Variants in KLHL6 observed in about 807,000 individuals in gnomAD.
KLHL6 encodes kelch like family member 6, also known as kelch-like protein 6.
In KLHL6, 41 loss-of-function variants were observed where a neutral mutation model predicts 58.6. That is an observed-to-expected ratio of 0.70 (90% CI 0.55 to 0.91). The LOEUF is 0.91. KLHL6 is among the 40% of genes least tolerant of loss of function. KLHL6 has a pLI of 0.00. For synonymous variants in KLHL6, 338 were observed against 322.7 expected (o/e 1.05, Z -0.51); for missense variants, 714 against 805.6 (o/e 0.89, Z 1.38).
At position 183,490,501 on chromosome 3, in the gene KLHL6, C is replaced by T. The variant is rs929080195; in HGVS notation, c.*1426G>A. ...ACAGTTCCGGTCCAAAATGGGCCAT[C>T]TTATGATCATTTAAAAAAAAAAAGA... On this transcript the variant is annotated 3_prime_UTR_variant, in exon 7 of 7. Coordinates refer to ENST00000341319, the MANE Select transcript of KLHL6 (RefSeq NM_130446.4). 2.0e-5 allele frequency: 3 copies of T among 147,006 alleles called. No homozygotes were observed. The highest frequency in any genetic ancestry group is 4.5e-5 in the Non-Finnish European group (3 of 67,196). The allele number at this position is 147,006 out of a possible 1,614,324, so 9.1% of individuals were successfully genotyped here.
intron 2 of KLHL6, chr3:183,522,782 T>C (rs1271674549): frequency 6.6e-6 from 1 of 152,204 alleles, no homozygotes; most frequent in Non-Finnish European, 1.5e-5. Context: ...TAATTTCTGT[T>C]GGAGTCTTGG....
intron 1 of KLHL6, among the ~76,000 whole-genome samples, chr3:183,531,307 T>C (rs1712149976): frequency 6.6e-6 from 1 of 151,960 alleles, no homozygotes; most frequent in Non-Finnish European, 1.5e-5. Context: ...GCCACCTCAG[T>C]GGGCCAGAAG....
chr3:183,527,319 G>C (rs1284023980), intron 2 of KLHL6, among the ~76,000 whole-genome samples: 1 of 152,106 alleles, frequency 6.6e-6, no homozygotes, highest in Non-Finnish European at 1.5e-5. Context: ...AAAATGATGA[G>C]TCAAGTGACT....
chr3:183,553,750 T>C (rs1375583261), intron 1 of KLHL6, among the ~76,000 whole-genome samples: 1 of 152,148 alleles, frequency 6.6e-6, no homozygotes, highest in Non-Finnish European at 1.5e-5. Flanking sequence ...TGACCAGATA[T>C]ATAATGCTGA....
intron 1 of KLHL6, among the ~76,000 whole-genome samples, chr3:183,550,100 C>G (rs1712860396): frequency 6.6e-6 from 1 of 151,818 alleles, no homozygotes; most frequent in African/African-American, 2.4e-5. Context: ...AAGGAAGCTT[C>G]ATACATAAAA....
chr3:183,518,242 ACTCT>A (rs373925657), intron 2 of KLHL6, among the ~76,000 whole-genome samples: 4 of 151,600 alleles, frequency 2.6e-5, no homozygotes, highest in Middle Eastern at 6.8e-3. Context: ...TGAGCTGAAC[ACTCT>A]CTCTCTCTCA....
At chr3:183,544,141 C>T (rs1047659139) in intron 1 of KLHL6, among the ~76,000 whole-genome samples, 17 of 122,164 alleles carry the variant, frequency 1.4e-4, no homozygotes, top group Non-Finnish European at 2.7e-4. Flanking sequence ...CCAGCCTGGG[C>T]GACAAGAGCG....
At chr3:183,507,845 C>T (rs1420382471) in intron 3 of KLHL6, among the ~76,000 whole-genome samples, 4 of 152,168 alleles carry the variant, frequency 2.6e-5, no homozygotes, top group African/African-American at 9.7e-5. Flanking sequence ...CTACATCTCA[C>T]CTAACGCGCT....
rs1198036455 is a variant in KLHL6, at chr3:183,491,155, G to A, written c.*772C>T. 1 of 152,078 alleles carries A rather than the reference G, an allele frequency of 6.6e-6. No individual in the cohort carries two copies. The allele number at this position is 152,078 out of a possible 1,614,324, so 9.4% of individuals were successfully genotyped here. On this transcript the variant is annotated 3_prime_UTR_variant, in exon 7 of 7. Transcript: ENST00000341319. ...ACAGAGCTTCACTTTTGTTTCCCGG[G>A]CTGCAGTGCAGTGTGGCGATCTCGG...
In KLHL6 at chr3:183,496,994, T is replaced by C. The variant is rs1047660126; in HGVS notation, c.1147+2596A>G. ...CTCTACTTAAAATACAAAAAAAAAATTGGGCCGGGCGTGGTGGCTCACGCC... is the reference window on the plus strand; with the variant it reads ...CTCTACTTAAAATACAAAAAAAAAACTGGGCCGGGCGTGGTGGCTCACGCC... On this transcript the variant is annotated intron_variant, in intron 4 of 6. Transcript: ENST00000341319. Among the ~76,000 whole-genome samples, 5 of 149,348 alleles carry C rather than the reference T, an allele frequency of 3.3e-5. No homozygotes were observed. In the East Asian group the frequency reaches 5.9e-4, roughly 18 times the overall value.
intron 5 of KLHL6, 111 bp downstream of exon 5, chr3:183,493,968 G>T: frequency 2.1e-6 from 2 of 959,028 alleles, no homozygotes; most frequent in Non-Finnish European, 1.7e-6. Context: ...GTTCTCCTTG[G>T]AAGTAAAGTG....
chr3:183,536,814 G>A (rs866429900), intron 1 of KLHL6, among the ~76,000 whole-genome samples: 45 of 152,156 alleles, frequency 3.0e-4, no homozygotes, highest in African/African-American at 9.9e-4. Context: ...GGCCGGGTGC[G>A]TATCAGGTAA....
intron 1 of KLHL6, among the ~76,000 whole-genome samples, chr3:183,549,529 A>T (rs1712837522): frequency 1.3e-5 from 2 of 152,140 alleles, no homozygotes. Context: ...AGGTCGGGAC[A>T]CCTGAGTCTT....
chr3:183,531,000 T>C (rs1307228518), intron 1 of KLHL6, among the ~76,000 whole-genome samples: 1 of 151,852 alleles, frequency 6.6e-6, no homozygotes, highest in Non-Finnish European at 1.5e-5. Flanking sequence ...CCTGGCTAAT[T>C]TTTGTATTTT....
chr3:183,514,412 A>G (rs992262511), intron 2 of KLHL6, among the ~76,000 whole-genome samples: 4 of 152,020 alleles, frequency 2.6e-5, no homozygotes, highest in African/African-American at 9.7e-5. Flanking sequence ...GCCCTGTTGC[A>G]GTGCCTTTCC....
intron 2 of KLHL6, among the ~76,000 whole-genome samples, chr3:183,527,481 A>G (rs933607263): frequency 1.3e-5 from 2 of 152,216 alleles, no homozygotes; most frequent in Non-Finnish European, 2.9e-5. Flanking sequence ...AGGAGACATC[A>G]GTAACCCCAA....
intron 2 of KLHL6, among the ~76,000 whole-genome samples, chr3:183,509,723 G>A (rs1402925649): frequency 1.3e-5 from 2 of 152,078 alleles, no homozygotes; most frequent in East Asian, 1.9e-4. Flanking sequence ...CAGAGGGGGC[G>A]CATGCTATAT....
At chr3:183,503,340 A>G (rs950659954) in intron 3 of KLHL6, among the ~76,000 whole-genome samples, 10 of 152,252 alleles carry the variant, frequency 6.6e-5, no homozygotes, top group African/African-American at 2.2e-4. Context: ...AGTTAAATGA[A>G]GAGGCAAATT....
chr3:183,529,898 T>C (rs1303447759), intron 1 of KLHL6, among the ~76,000 whole-genome samples: 1 of 152,042 alleles, frequency 6.6e-6, no homozygotes, highest in Non-Finnish European at 1.5e-5. Flanking sequence ...GAGGTCCTAA[T>C]CGGATAGGAT....
Sources: gnomAD v4.1 joint callset for allele counts (sites outside exome capture counted in the v4.1 genomes callset) on GRCh38, gnomAD v4.1.1 for gene constraint, MANE v1.5 for transcripts, NCBI Gene and HGNC (gene_info 2026-07-23, HGNC 2026-07-21) for gene names.